The following BRF1 variants were observed in gnomAD, a reference collection of about 807,000 sequenced individuals.
BRF1 encodes the protein transcription factor IIIB 90 kDa subunit.
In BRF1, 59 loss-of-function variants were observed where a neutral mutation model predicts 81.7. The ratio of observed to expected loss-of-function variants is 0.72; its 90% confidence interval spans 0.59 to 0.90. The LOEUF is 0.90. Among genes scored for constraint, BRF1 ranks in the 40% least tolerant of loss-of-function variants. The pLI is 0.00. For synonymous variants in BRF1, 491 were observed against 395.6 expected, an observed-to-expected ratio of 1.24 and a Z score of -2.86; for missense variants, 1,050 against 936.3, an observed-to-expected ratio of 1.12 and a Z score of -1.58.
At chr14:105,296,127 T>G (rs944171526) in intron 1 of BRF1, among the ~76,000 whole-genome samples, 11 of 149,118 alleles carry the variant, frequency 7.4e-5, no homozygotes, top group Non-Finnish European at 1.5e-4. Context: ...TAAAAACTCT[T>G]AGGGGCCAGG....
chr14:105,217,881 A>C, intron 14 of BRF1, 81 bp from the exon 15 acceptor site: 1 of 1,562,378 alleles, frequency 6.4e-7, no homozygotes, highest in Non-Finnish European at 8.7e-7. Flanking sequence ...TGAGGCCAGG[A>C]GTGCAGGCGG....
At chr14:105,291,522 C>G (rs587594969) in intron 1 of BRF1, among the ~76,000 whole-genome samples, 1 of 137,802 alleles carries the variant, frequency 7.3e-6, no homozygotes, top group Non-Finnish European at 1.6e-5. Context: ...CTAAAACATA[C>G]AAAAAAAAAA....
At chr14:105,301,555 G>A (rs1273885672), upstream of BRF1, among the ~76,000 whole-genome samples, 2 of 152,194 alleles carry the variant, frequency 1.3e-5, no homozygotes, top group Non-Finnish European at 2.9e-5. Flanking sequence ...CGCAGAGGTG[G>A]AGACACCCGC....
intron 1 of BRF1, among the ~76,000 whole-genome samples, chr14:105,311,135 G>A (rs2058341145): frequency 6.6e-6 from 1 of 151,914 alleles, no homozygotes. Flanking sequence ...TGTATTTTTA[G>A]TAGAGATGGG....
At chr14:105,258,465 G>C (rs889554554) in intron 3 of BRF1, among the ~76,000 whole-genome samples, 2 of 150,820 alleles carry the variant, frequency 1.3e-5, no homozygotes, top group African/African-American at 4.9e-5. Context: ...CTCCAGCCTG[G>C]GCGACAGAGC....
chr14:105,228,902 C>T lies in BRF1; in HGVS notation c.706G>A (p.Ala236Thr), dbSNP rs753997223. Residue 236 changes from alanine (A) to threonine (T), a missense_variant, in exon 7 of 18, where the codon GCA (alanine) becomes ACA (threonine). By Grantham distance (58) the Ala-to-Thr change is moderately conservative. Coordinates refer to ENST00000547530, the MANE Select transcript of BRF1 (RefSeq NM_001519.4). ...CTCCTGAAGTCATGCATTCTGGCTG[C>T]AACCAGGAGCGCTGGAAGGCAACGA... Reference protein sequence around the residue: ...SGLCGAALLVAARMHDFRRTV... With the variant: ...SGLCGAALLVTARMHDFRRTV... The T allele has an allele frequency of 1.8e-5, 29 of 1,613,536 alleles. No individual in the cohort carries two copies. The highest frequency in any genetic ancestry group is 2.4e-5 in the Non-Finnish European group (28 of 1,180,016).
intron 5 of BRF1, among the ~76,000 whole-genome samples, chr14:105,244,773 CA>C (rs2054966236): frequency 1.3e-5 from 2 of 152,146 alleles, no homozygotes; most frequent in African/African-American, 4.8e-5. Context: ...ACTTAAGACA[CA>C]TCACCATAGA....
chr14:105,280,315 T>C (rs587670773), intron 2 of BRF1, among the ~76,000 whole-genome samples: 4 of 152,326 alleles, frequency 2.6e-5, no homozygotes, highest in African/African-American at 9.6e-5. Flanking sequence ...CAACTCCAGC[T>C]CTACGACCAC....
intron 1 of BRF1, among the ~76,000 whole-genome samples, chr14:105,295,086 G>A (rs1206289160): frequency 1.3e-5 from 2 of 152,020 alleles, no homozygotes; most frequent in East Asian, 1.9e-4. Flanking sequence ...CATTCCATAA[G>A]GAGCAGAACC....
At position 105,269,241 on chromosome 14, in the gene BRF1, G is replaced by C. The variant is rs1386686164; in HGVS notation, c.439+3480C>G. Among the ~76,000 whole-genome samples, 1 of 152,134 alleles carries C rather than the reference G, an allele frequency of 6.6e-6. No individual in the cohort carries two copies. Among genetic ancestry groups the C allele is most frequent in the Non-Finnish European group, 1.5e-5 (1 of 68,004 alleles). On this transcript the variant is annotated intron_variant, in intron 3 of 17. Transcript: ENST00000547530. This position sits in a 1 kb window ranked among gnomAD's most constrained non-coding sequence, Gnocchi z 5.0. ...TCTAAAGTGCCGGCAAAGCAGGGGTGGGCTGGGAAGTGAGGGCTACAGCTA... is the reference window on the plus strand; with the variant it reads ...TCTAAAGTGCCGGCAAAGCAGGGGTCGGCTGGGAAGTGAGGGCTACAGCTA...
intron 1 of BRF1, among the ~76,000 whole-genome samples, chr14:105,313,906 G>A (rs1216381474): frequency 6.6e-6 from 1 of 152,254 alleles, no homozygotes; most frequent in East Asian, 1.9e-4. Context: ...TCTAGCCATT[G>A]CCTCCTCTTT....
intron 3 of BRF1, among the ~76,000 whole-genome samples, chr14:105,261,841 C>T (rs2056171399): frequency 6.6e-6 from 1 of 152,220 alleles, no homozygotes; most frequent in Non-Finnish European, 1.5e-5. Flanking sequence ...GGCGTGAGGA[C>T]CAAGGAGCGA....
chr14:105,229,622 G>T (rs587766467), intron 6 of BRF1, among the ~76,000 whole-genome samples: 10 of 152,316 alleles, frequency 6.6e-5, no homozygotes, highest in African/African-American at 2.4e-4. Flanking sequence ...GGTCCAACTA[G>T]AACAGTCGCC....
At chr14:105,290,894 G>C (rs112932938) in intron 1 of BRF1, among the ~76,000 whole-genome samples, 1 of 151,836 alleles carries the variant, frequency 6.6e-6, no homozygotes, top group African/African-American at 2.4e-5. Flanking sequence ...TCACACCCTG[G>C]TGCGTGCACA....
At position 105,253,220 on chromosome 14, in the gene BRF1, T is replaced by C. The variant is rs117109206; in HGVS notation, c.472-641A>G. Among the ~76,000 whole-genome samples the C allele has an allele frequency of 1.9e-4, 29 of 152,286 alleles. 1 individual carries two copies. The East Asian group carries it at 5.6e-3, about 29-fold the overall frequency. On this transcript the variant is annotated intron_variant, in intron 4 of 17. Transcript: ENST00000547530. Reference sequence around the variant, plus strand: ...AGGACTCTAGCCTGTGTGCAGACCCTGTGCACAGCCCTGCCGTGGGCCGAG... The same window carrying C: ...AGGACTCTAGCCTGTGTGCAGACCCCGTGCACAGCCCTGCCGTGGGCCGAG...
intron 5 of BRF1, chr14:105,249,197 C>A: frequency 6.3e-7 from 1 of 1,588,960 alleles, no homozygotes; most frequent in Admixed American, 1.7e-5. Flanking sequence ...GGCCGACGTG[C>A]ACTTCGTCGT....
chr14:105,241,474 G>T (rs964930810), intron 5 of BRF1, 60 bp from the exon 6 acceptor site: 1 of 1,595,708 alleles, frequency 6.3e-7, no homozygotes, highest in Non-Finnish European at 8.5e-7. Flanking sequence ...TGCACAGGCG[G>T]CCCACGCAGC....
intron 3 of BRF1, among the ~76,000 whole-genome samples, chr14:105,259,507 C>CA (rs2056047841): frequency 6.6e-6 from 1 of 152,204 alleles, no homozygotes. Flanking sequence ...CAGCTTCATT[C>CA]AGAACAGCCA....
Position 105,314,169 on chromosome 14 carries a change from G to A in BRF1, c.-162+1153C>T, listed in dbSNP as rs374452568. 3.7e-4 allele frequency among the ~76,000 whole-genome samples: 57 copies of A among 152,260 alleles called. 2 individuals carry two copies. The South Asian group carries it at 6.0e-3, about 16-fold the overall frequency. On this transcript the variant is annotated intron_variant, in intron 1 of 17. Coordinates refer to the BRF1 transcript ENST00000327359. ...CCTTGCCACCTCCCTGCGTCCCGGGGAACCCACGCAGGGGGGCGCGAGGGA... is the reference window on the plus strand; with the variant it reads ...CCTTGCCACCTCCCTGCGTCCCGGGAAACCCACGCAGGGGGGCGCGAGGGA...
Sources: gnomAD v4.1 joint callset for allele counts (sites outside exome capture counted in the v4.1 genomes callset) on GRCh38, gnomAD v4.1.1 for gene constraint, Gnocchi (gnomAD v3.1) non-coding constraint, MANE v1.5 for transcripts, NCBI Gene and HGNC (gene_info 2026-07-23, HGNC 2026-07-21) for gene names.